HSPB8: variants seen among roughly 807,000 people sequenced by gnomAD.
HSPB8 encodes heat shock protein family B (small) member 8.
In HSPB8, 9 loss-of-function variants were observed where a neutral mutation model predicts 16.5. The ratio of observed to expected loss-of-function variants is 0.55; its 90% CI spans 0.33 to 0.95. HSPB8 has a LOEUF of 0.95. Ranked by LOEUF, HSPB8 falls within the 40% of genes least tolerant of loss-of-function variation. The pLI, the probability that HSPB8 is intolerant of heterozygous loss-of-function variation, is 0.03. For missense variants in HSPB8, 238 were observed against 251.2 expected (o/e 0.95, Z 0.35); for synonymous variants, 99 against 94.8 (o/e 1.04, Z -0.26).
At chr12:119,187,526 T>C (rs778269958) in intron 2 of HSPB8, among the ~76,000 whole-genome samples, 6 of 152,090 alleles carry the variant, frequency 3.9e-5, no homozygotes, top group Non-Finnish European at 7.4e-5. Context: ...GGCTAATTTT[T>C]TGTATTTGTT....
chr12:119,188,247 C>CTG (rs1555223084), intron 2 of HSPB8, among the ~76,000 whole-genome samples: 3 of 87,584 alleles, frequency 3.4e-5, no homozygotes, highest in Non-Finnish European at 7.3e-5. Context: ...CTCTCTCTCT[C>CTG]TTTTTTTTTT....
chr12:119,194,611 CAG>C lies in HSPB8; in HGVS notation c.*755_*756del, dbSNP rs1462687770. On this transcript the variant is annotated 3_prime_UTR_variant, in exon 3 of 3. Coordinates refer to ENST00000281938, the MANE Select transcript of HSPB8 (RefSeq NM_014365.3). ...ACCAAGCAAAGGCCAGATAGCCTGA[CAG>C]ATAGGCTAGTGGTATTGTGTATATG... The C allele has an allele frequency of 9.7e-5, 17 of 175,270 alleles. No individual in the cohort carries two copies. Among genetic ancestry groups the C allele is most frequent in the Non-Finnish European group, 2.0e-4 (17 of 84,630 alleles). 10.9% of individuals were successfully genotyped at this position (175,270 alleles called of 1,614,324 possible).
chr12:119,180,941 G>A (rs1003817008), intron 1 of HSPB8, among the ~76,000 whole-genome samples: 1 of 152,202 alleles, frequency 6.6e-6, no homozygotes, highest in Admixed American at 6.5e-5. Context: ...GCTGATGACA[G>A]GGTCAGCCAG....
At chr12:119,188,494 C>T (rs1304329831) in intron 2 of HSPB8, among the ~76,000 whole-genome samples, 3 of 151,868 alleles carry the variant, frequency 2.0e-5, no homozygotes, top group Non-Finnish European at 2.9e-5. Flanking sequence ...GTGATCTGCC[C>T]GCCTCTGCCT....
chr12:119,180,685 C>A (rs911333881), intron 1 of HSPB8, among the ~76,000 whole-genome samples: 10 of 152,162 alleles, frequency 6.6e-5, no homozygotes, highest in Non-Finnish European at 1.5e-4. Context: ...AAGCTCAGCC[C>A]CTGTGAAGCT....
In HSPB8 at chr12:119,179,307, G is replaced by C. The variant is rs374549932; in HGVS notation, c.-6G>C. The C allele has an allele frequency of 1.9e-6, 3 of 1,613,426 alleles. No homozygotes were observed. The highest frequency in any genetic ancestry group is 2.5e-6 in the Non-Finnish European group (3 of 1,179,988). Reference sequence around the variant, plus strand: ...CCTCTGTTTCTCTCTGAGCTGAGCAGCCACCATGGCTGACGGTCAGATGCC... The same window carrying C: ...CCTCTGTTTCTCTCTGAGCTGAGCACCCACCATGGCTGACGGTCAGATGCC... On this transcript the variant is annotated 5_prime_UTR_variant, in exon 1 of 3. Coordinates refer to ENST00000281938, the MANE Select transcript of HSPB8 (RefSeq NM_014365.3).
intron 2 of HSPB8, among the ~76,000 whole-genome samples, chr12:119,188,605 G>A (rs1467740741): frequency 6.6e-6 from 1 of 152,090 alleles, no homozygotes; most frequent in Non-Finnish European, 1.5e-5. Flanking sequence ...AGTGTGCATC[G>A]GAGAGGAGAC....
At chr12:119,182,924 T>G (rs1954648562) in intron 1 of HSPB8, 1 of 152,224 alleles carries the variant, frequency 6.6e-6, no homozygotes, top group South Asian at 2.1e-4. Context: ...ATGTCAGGCC[T>G]CTCTGGCTGG....
chr12:119,194,502 A>G lies in HSPB8; in HGVS notation c.*644A>G, dbSNP rs11038. The G allele has an allele frequency of 0.35, 55,520 of 160,242 alleles. 10,531 individuals carry two copies. Among genetic ancestry groups the G allele is most frequent in the African/African-American group, 0.51 (21,231 of 41,466 alleles). 9.9% of individuals were successfully genotyped at this position (160,242 alleles called of 1,614,324 possible). On this transcript the variant is annotated 3_prime_UTR_variant, in exon 3 of 3. Coordinates refer to ENST00000281938, the MANE Select transcript of HSPB8 (RefSeq NM_014365.3). Reference sequence around the variant, plus strand: ...TGGGAGCCTGTCAGTTTATGATCTGACCTAGGTCCCCCCTTTCTTCTGTCC... The same window carrying G: ...TGGGAGCCTGTCAGTTTATGATCTGGCCTAGGTCCCCCCTTTCTTCTGTCC...
intron 1 of HSPB8, chr12:119,186,748 G>A (rs1444376536): frequency 6.7e-6 from 3 of 445,054 alleles, no homozygotes; most frequent in South Asian, 4.4e-5. Flanking sequence ...AAGTTTCTGC[G>A]ATTTCCTCAG....
intron 2 of HSPB8, among the ~76,000 whole-genome samples, chr12:119,187,411 G>T (rs1216575874): frequency 1.3e-5 from 2 of 152,106 alleles, no homozygotes; most frequent in African/African-American, 4.8e-5. Flanking sequence ...CTGGAGTGCA[G>T]CGGTGTGATC....
chr12:119,180,547 G>A (rs542524501), intron 1 of HSPB8, among the ~76,000 whole-genome samples: 1 of 152,276 alleles, frequency 6.6e-6, no homozygotes, highest in South Asian at 2.1e-4. Context: ...TCACAGTCAT[G>A]CCATGAGTCA....
rs978083858 is a variant in HSPB8, at chr12:119,179,156, T to TC, written c.-154dup. ...GACCCCAGTCGAGGGGACACAACCG[T>TC]CCCTGGCAGTGGTTGGTTCTGCTTC... is the stretch of plus-strand genomic sequence containing the variant. On this transcript the variant is annotated 5_prime_UTR_variant, in exon 1 of 3. Transcript: ENST00000281938. The TC allele has an allele frequency of 2.6e-6, 2 of 764,314 alleles. No individual in the cohort carries two copies. Among genetic ancestry groups the TC allele is most frequent in the Middle Eastern group, 3.5e-4 (1 of 2,850 alleles). 47.3% of individuals were successfully genotyped at this position (764,314 alleles called of 1,614,324 possible).
chr12:119,186,795 C>T (rs1198364528), intron 1 of HSPB8: 1 of 563,276 alleles, frequency 1.8e-6, no homozygotes, highest in Non-Finnish European at 3.2e-6. Flanking sequence ...CGGTCTACGC[C>T]TCCTTTCCAT....
chr12:119,187,444 T>A (rs1358489436), intron 2 of HSPB8, among the ~76,000 whole-genome samples: 1 of 152,142 alleles, frequency 6.6e-6, no homozygotes, highest in Non-Finnish European at 1.5e-5. Flanking sequence ...AACCTCCACC[T>A]CCTGGGTTCA....
chr12:119,190,254 A>C (rs774684829), intron 2 of HSPB8, among the ~76,000 whole-genome samples: 7 of 152,150 alleles, frequency 4.6e-5, no homozygotes, highest in Non-Finnish European at 8.8e-5. Flanking sequence ...GACACCTAGG[A>C]GTCGAACTGG....
At position 119,194,151 on chromosome 12, in the gene HSPB8, G is replaced by T; in HGVS notation, c.*293G>T. Reference sequence around the variant, plus strand: ...CTATAGTTGCAAAACACATAAAAGGGGACTTAACATTTCACGTTGTATCTT... The same window carrying T: ...CTATAGTTGCAAAACACATAAAAGGTGACTTAACATTTCACGTTGTATCTT... On this transcript the variant is annotated 3_prime_UTR_variant, in exon 3 of 3. Coordinates refer to ENST00000281938, the MANE Select transcript of HSPB8 (RefSeq NM_014365.3). 1 of 440,902 alleles carries T rather than the reference G, an allele frequency of 2.3e-6. No homozygotes were observed. Among genetic ancestry groups the T allele is most frequent in the Non-Finnish European group, 4.2e-6 (1 of 238,410 alleles). 27.3% of individuals were successfully genotyped at this position (440,902 alleles called of 1,614,324 possible). A position where few individuals can be genotyped will look rare whatever the true frequency, so the allele number is the denominator to read the frequency against.
At chr12:119,192,376 G>C (rs909775646) in intron 2 of HSPB8, among the ~76,000 whole-genome samples, 1 of 152,098 alleles carries the variant, frequency 6.6e-6, no homozygotes, top group Admixed American at 6.5e-5. Flanking sequence ...AAGATAATTG[G>C]CTGGGCTCGG....
chr12:119,192,087 T>C (rs1954716037), intron 2 of HSPB8, among the ~76,000 whole-genome samples: 1 of 152,212 alleles, frequency 6.6e-6, no homozygotes. Flanking sequence ...ATCACTAATA[T>C]GTCCTCACAG....
Sources: gnomAD v4.1 joint callset for allele counts (sites outside exome capture counted in the v4.1 genomes callset) on GRCh38, gnomAD v4.1.1 for gene constraint, MANE v1.5 for transcripts, NCBI Gene and HGNC (gene_info 2026-07-23, HGNC 2026-07-21) for gene names.